Variants in PLCG2 observed in about 807,000 individuals in gnomAD.
PLCG2 encodes phospholipase C gamma 2.
Under a neutral mutation model 175.6 loss-of-function variants are expected in PLCG2, and 69 were observed. The ratio of observed to expected loss-of-function variants is 0.39; its 90% CI spans 0.32 to 0.48. The LOEUF (loss-of-function observed/expected upper bound fraction) is 0.48. Among genes scored for constraint, PLCG2 ranks in the 20% least tolerant of loss-of-function variants. The probability of loss-of-function intolerance (pLI) is 0.91; values close to 1 mark genes in which losing one functional copy is unlikely to be tolerated. For missense variants in PLCG2, 1,798 were observed against 1,650.9 expected (o/e 1.09, Z -1.54); for synonymous variants, 827 against 624.0 (o/e 1.33, Z -4.85).
At chr16:81,886,896 G>T (rs151222919) in intron 9 of PLCG2, among the ~76,000 whole-genome samples, 1 of 152,088 alleles carries the variant, frequency 6.6e-6, no homozygotes, top group Non-Finnish European at 1.5e-5. Flanking sequence ...CACTATTACA[G>T]GTATCTAGTG....
intron 2 of PLCG2, among the ~76,000 whole-genome samples, chr16:81,759,699 T>G (rs893144259): frequency 1.2e-4 from 18 of 152,376 alleles, no homozygotes; most frequent in Non-Finnish European, 1.6e-4. Context: ...CTTCCAAGGA[T>G]AGCTTATAGC....
At chr16:81,752,773 G>A (rs919477282) in intron 1 of PLCG2, among the ~76,000 whole-genome samples, 1 of 152,226 alleles carries the variant, frequency 6.6e-6, no homozygotes, top group African/African-American at 2.4e-5. Flanking sequence ...GGAAGTGAGG[G>A]CCAGTGCTGG....
intron 2 of PLCG2, among the ~76,000 whole-genome samples, chr16:81,843,622 T>C (rs1905951968): frequency 6.6e-6 from 1 of 152,248 alleles, no homozygotes; most frequent in African/African-American, 2.4e-5. Context: ...ATGAACCCAT[T>C]GCTAAGCATG....
intron 2 of PLCG2, among the ~76,000 whole-genome samples, chr16:81,847,256 G>T (rs1211854634): frequency 6.6e-6 from 1 of 152,188 alleles, no homozygotes; most frequent in Non-Finnish European, 1.5e-5. Context: ...GGGTTCCCAT[G>T]TTCTCTCTGG....
chr16:81,925,258 C>T (rs908580424), intron 22 of PLCG2, among the ~76,000 whole-genome samples: 5 of 152,232 alleles, frequency 3.3e-5, no homozygotes, highest in African/African-American at 7.2e-5. Flanking sequence ...CCTAGGGGGC[C>T]GCCTGGGTGA....
At chr16:81,750,962 C>A (rs1179346316) in intron 1 of PLCG2, among the ~76,000 whole-genome samples, 1 of 141,626 alleles carries the variant, frequency 7.1e-6, no homozygotes, top group Non-Finnish European at 1.5e-5. Context: ...CGTGAGCCAC[C>A]GCACCCAGCT....
chr16:81,781,775 C>A (rs1232738941), intron 1 of PLCG2, among the ~76,000 whole-genome samples: 1 of 152,240 alleles, frequency 6.6e-6, no homozygotes, highest in Non-Finnish European at 1.5e-5. Context: ...GGATGAAATC[C>A]TGTACTGGCT....
intron 19 of PLCG2, among the ~76,000 whole-genome samples, chr16:81,913,610 T>G (rs1024875267): frequency 1.3e-5 from 2 of 152,168 alleles, no homozygotes; most frequent in African/African-American, 2.4e-5. Flanking sequence ...TGTACACTGA[T>G]GTGAAAAACT....
rs1911810797 is a variant in PLCG2, at chr16:81,962,400, G to T, written c.*4402G>T. 4.7e-6 allele frequency: 1 copy of T among 212,328 alleles called. No homozygotes were observed. The highest frequency in any genetic ancestry group is 2.3e-5 in the African/African-American group (1 of 44,186). The allele number at this position is 212,328 out of a possible 1,614,324, so 13.2% of individuals were successfully genotyped here. A position where few individuals can be genotyped will look rare whatever the true frequency, so the allele number is the denominator to read the frequency against. On this transcript the variant is annotated 3_prime_UTR_variant, in exon 33 of 33. Transcript: ENST00000564138. Reference sequence around the variant, plus strand: ...GGCATTTAAAAATACTCAATAATTTGTCCCTGGTTTTTAATTTTCAAAATA... The same window carrying T: ...GGCATTTAAAAATACTCAATAATTTTTCCCTGGTTTTTAATTTTCAAAATA...
rs1204056563 is a variant in PLCG2, at chr16:81,895,940, A to G, written c.1193+13A>G. 3.7e-6 allele frequency: 6 copies of G among 1,613,970 alleles called. No homozygotes were observed. The highest frequency in any genetic ancestry group is 4.2e-6 in the Non-Finnish European group (5 of 1,179,966). ...TTGTTACCTCGAGGTCAGTTGGCTG[A>G]TTTCTGGGTGGTGTGACTTAAAGGG... On this transcript the variant is annotated intron_variant, in intron 13 of 32. Transcript: ENST00000564138.
At position 81,930,100 on chromosome 16, in the gene PLCG2, C is replaced by G. The variant is rs190798874; in HGVS notation, c.2582-1397C>G. On this transcript the variant is annotated intron_variant, in intron 24 of 32. Coordinates refer to ENST00000564138, the MANE Select transcript of PLCG2 (RefSeq NM_002661.5). ...CCTTTAGTCTCAGCTACTCAGGAGGCTGAGGTGGGTGGATCCCTTGAGCCC... is the reference window on the plus strand; with the variant it reads ...CCTTTAGTCTCAGCTACTCAGGAGGGTGAGGTGGGTGGATCCCTTGAGCCC... Among the ~76,000 whole-genome samples the G allele has an allele frequency of 1.6e-3, 236 of 152,236 alleles. 1 individual carries two copies. Among genetic ancestry groups the G allele is most frequent in the African/African-American group, 5.4e-3 (224 of 41,528 alleles).
intron 2 of PLCG2, among the ~76,000 whole-genome samples, chr16:81,800,323 C>T (rs540824922): frequency 1.3e-5 from 2 of 152,180 alleles, no homozygotes; most frequent in African/African-American, 4.8e-5. Context: ...AGATATTAAG[C>T]CCTGCATGTA....
chr16:81,917,800 C>T (rs945309085), intron 19 of PLCG2, among the ~76,000 whole-genome samples: 3 of 152,230 alleles, frequency 2.0e-5, no homozygotes, highest in Non-Finnish European at 4.4e-5. Context: ...CAGCTCACTG[C>T]AAGCTCCGCC....
In PLCG2 at chr16:81,953,695, C is replaced by A. The variant is rs1479367241; in HGVS notation, c.3571-3000C>A. Among the ~76,000 whole-genome samples the A allele has an allele frequency of 2.0e-5, 3 of 152,180 alleles. 1 individual carries two copies. Among genetic ancestry groups the A allele is most frequent in the Non-Finnish European group, 4.4e-5 (3 of 68,032 alleles). Reference sequence around the variant, plus strand: ...TGACTAGAGTGGTGGTTCCTCAAGTCAAGAGGGCTGGTTCATTTGCTGTAG... The same window carrying A: ...TGACTAGAGTGGTGGTTCCTCAAGTAAAGAGGGCTGGTTCATTTGCTGTAG... On this transcript the variant is annotated intron_variant, in intron 31 of 32. Transcript: ENST00000564138.
At chr16:81,843,827 T>C (rs72832061) in intron 2 of PLCG2, among the ~76,000 whole-genome samples, 3,613 of 152,340 alleles carry the variant, frequency 0.024, 63 homozygotes, top group South Asian at 0.049. Context: ...AAGAACTCAA[T>C]AGAATGGGCA....
intron 2 of PLCG2, among the ~76,000 whole-genome samples, chr16:81,811,604 G>A (rs1482446856): frequency 1.3e-5 from 2 of 152,096 alleles, no homozygotes; most frequent in African/African-American, 4.8e-5. Context: ...GCACTTAAGA[G>A]TAAGAAAATG....
intron 2 of PLCG2, among the ~76,000 whole-genome samples, chr16:81,808,684 G>T (rs976591458): frequency 2.0e-5 from 3 of 151,990 alleles, no homozygotes; most frequent in Non-Finnish European, 2.9e-5. Context: ...TAGTAGAGAT[G>T]GGGTTTCACT....
chr16:81,891,439 T>A (rs1567518892), intron 10 of PLCG2, 33 bp from the exon 11 acceptor site: 1 of 1,174,270 alleles, frequency 8.5e-7, no homozygotes, highest in East Asian at 2.3e-5. Context: ...CCCGTCAACG[T>A]GATGATTCGG....
At chr16:81,860,304 C>T (rs918342770) in intron 5 of PLCG2, among the ~76,000 whole-genome samples, 9 of 151,614 alleles carry the variant, frequency 5.9e-5, no homozygotes, top group African/African-American at 1.5e-4. Context: ...ATGCACAGAG[C>T]GCTGCTCCCA....
Sources: gnomAD v4.1 joint callset for allele counts (sites outside exome capture counted in the v4.1 genomes callset) on GRCh38, gnomAD v4.1.1 for gene constraint, MANE v1.5 for transcripts, NCBI Gene and HGNC (gene_info 2026-07-23, HGNC 2026-07-21) for gene names.